SLC22A25: variants seen among roughly 807,000 people sequenced by gnomAD.
SLC22A25 encodes the protein MGI:2442751, MGI:2385316, MGI:3042283, MGI:3645714, MGI:3605624, MGI:2442750.
Under a neutral mutation model 45.9 loss-of-function variants are expected in SLC22A25, and 44 were observed. The observed-to-expected ratio is 0.96, with a 90% CI of 0.75 to 1.23. The LOEUF (loss-of-function observed/expected upper bound fraction) is 1.23. Among genes scored for constraint, SLC22A25 ranks in the 50% most tolerant of loss-of-function variants. The pLI is 0.00. For missense variants in SLC22A25, 800 were observed against 666.4 expected (o/e 1.20, Z -2.21); for synonymous variants, 283 against 238.6 (o/e 1.19, Z -1.72).
chr11:63,226,675 G>C (rs569217243), intron 5 of SLC22A25, among the ~76,000 whole-genome samples: 1 of 152,266 alleles, frequency 6.6e-6, no homozygotes, highest in African/African-American at 2.4e-5. Flanking sequence ...AAGGTCCTAG[G>C]GTTCTACAAT....
At chr11:63,233,529 G>T (rs915763280) in intron 3 of SLC22A25, among the ~76,000 whole-genome samples, 4 of 151,732 alleles carry the variant, frequency 2.6e-5, no homozygotes, top group Non-Finnish European at 4.4e-5. Flanking sequence ...TCTCTCTTTT[G>T]TTCTTTATTA....
intron 5 of SLC22A25, among the ~76,000 whole-genome samples, chr11:63,227,107 C>T (rs1353625370): frequency 6.6e-6 from 1 of 152,040 alleles, no homozygotes; most frequent in Non-Finnish European, 1.5e-5. Flanking sequence ...AATTGGGAAC[C>T]CCAAAGGCCT....
chr11:63,177,932 G>T lies in SLC22A25; in HGVS notation c.1070+2728C>A, dbSNP rs1369371922. ...TCCCATTTTCTTTTTTTTTGACAGGGTCTCACTCTGTCTTAAAAGTGACAC... is the reference window on the plus strand; with the variant it reads ...TCCCATTTTCTTTTTTTTTGACAGGTTCTCACTCTGTCTTAAAAGTGACAC... On this transcript the variant is annotated intron_variant, in intron 9 of 11. Coordinates refer to ENST00000306494, the MANE Select transcript of SLC22A25 (RefSeq NM_199352.6). Among the ~76,000 whole-genome samples, 12 of 105,864 alleles carry T rather than the reference G, an allele frequency of 1.1e-4. No homozygotes were observed. The South Asian group carries it at 3.9e-3, about 35-fold the overall frequency. 69.5% of individuals were successfully genotyped at this position (105,864 alleles called of 152,430 possible). A position where few individuals can be genotyped will look rare whatever the true frequency, so the allele number is the denominator to read the frequency against.
chr11:63,221,712 T>C (rs988197031), intron 5 of SLC22A25, among the ~76,000 whole-genome samples: 7 of 152,264 alleles, frequency 4.6e-5, no homozygotes, highest in Admixed American at 2.6e-4. Flanking sequence ...CCCAGTCCAA[T>C]GTCCTGGAGA....
At chr11:63,230,362 A>G (rs2090044202) in intron 3 of SLC22A25, among the ~76,000 whole-genome samples, 2 of 152,192 alleles carry the variant, frequency 1.3e-5, no homozygotes. Flanking sequence ...TTACTGGCTT[A>G]TTGATTCTTT....
In SLC22A25 at chr11:63,229,625, C is replaced by A. The variant is rs769778642; in HGVS notation, c.28G>T (p.Val10Phe). 1.2e-6 allele frequency: 2 copies of A among 1,608,922 alleles called. No individual in the cohort carries two copies. The highest frequency in any genetic ancestry group is 1.7e-6 in the Non-Finnish European group (2 of 1,175,758). Reference protein sequence around the residue: MAFQDLLDQVGGLGRFQILQ... With the variant: MAFQDLLDQFGGLGRFQILQ... The stretch of plus-strand genomic sequence containing the variant: ...ATCTGGAATCTCCCCAGGCCTCCAA[C>A]TTGATCTAGGAGGTCCTGAAAGGCC... Residue 10 changes from valine to phenylalanine, a missense_variant, in exon 4 of 12, where the codon GTT becomes TTT. Val to Phe is a conservative substitution (Grantham distance 50, BLOSUM62 -1). Coordinates refer to ENST00000306494, the MANE Select transcript of SLC22A25 (RefSeq NM_199352.6).
intron 1 of SLC22A25, among the ~76,000 whole-genome samples, chr11:63,241,149 C>A (rs1050758853): frequency 2.0e-5 from 3 of 152,118 alleles, no homozygotes; most frequent in African/African-American, 4.8e-5. Context: ...CTAAGGCATG[C>A]TCTTATGTAA....
At chr11:63,240,788 G>A (rs912804502) in intron 1 of SLC22A25, among the ~76,000 whole-genome samples, 6 of 152,148 alleles carry the variant, frequency 3.9e-5, no homozygotes, top group African/African-American at 1.4e-4. Flanking sequence ...GTCTTCTGGA[G>A]CAGTAACATG....
At chr11:63,192,648 A>G (rs2088856509) in intron 7 of SLC22A25, among the ~76,000 whole-genome samples, 1 of 152,202 alleles carries the variant, frequency 6.6e-6, no homozygotes, top group Admixed American at 6.5e-5. Context: ...AGAAAAATCA[A>G]CCAATAAAAT....
chr11:63,210,051 A>G (rs1406098040), intron 7 of SLC22A25, among the ~76,000 whole-genome samples: 2 of 152,224 alleles, frequency 1.3e-5, no homozygotes, highest in East Asian at 3.8e-4. Flanking sequence ...AGTGTGCCAA[A>G]AGCCTGACAA....
intron 7 of SLC22A25, among the ~76,000 whole-genome samples, chr11:63,209,808 C>A (rs1350378533): frequency 6.6e-6 from 1 of 152,136 alleles, no homozygotes; most frequent in Admixed American, 6.5e-5. Context: ...AGATTGTCAA[C>A]AACTTTTGCT....
intron 1 of SLC22A25, among the ~76,000 whole-genome samples, chr11:63,241,397 C>T (rs1422594861): frequency 6.6e-6 from 1 of 152,092 alleles, no homozygotes; most frequent in Non-Finnish European, 1.5e-5. Context: ...CTCCTTCTTC[C>T]ACGGTGTTCC....
chr11:63,236,002 G>A (rs1304540978), intron 3 of SLC22A25, among the ~76,000 whole-genome samples: 3 of 152,138 alleles, frequency 2.0e-5, no homozygotes, highest in Non-Finnish European at 2.9e-5. Context: ...ATTCCTCTGG[G>A]AGTTTTGTCT....
intron 5 of SLC22A25, 98 bp downstream of exon 5, chr11:63,228,363 A>G: frequency 1.1e-6 from 1 of 933,066 alleles, no homozygotes; most frequent in South Asian, 1.7e-5. Flanking sequence ...CAAGGGAGCA[A>G]CAGGATAGTG....
chr11:63,214,726 C>A (rs1565110511), intron 7 of SLC22A25, among the ~76,000 whole-genome samples: 1 of 151,876 alleles, frequency 6.6e-6, no homozygotes, highest in Non-Finnish European at 1.5e-5. Flanking sequence ...CTTCCCCCTG[C>A]ACAGATCTCC....
rs2087524262 is a variant in SLC22A25, at chr11:63,160,460, C to G, written c.*3364G>C. ...AAGAATTGAGGTTTGGGAACCTCCA[C>G]CTAGATTTCAGAGGATGTATGGAAA... On this transcript the variant is annotated 3_prime_UTR_variant, in exon 12 of 12. Coordinates refer to ENST00000306494, the MANE Select transcript of SLC22A25 (RefSeq NM_199352.6). Among the ~76,000 whole-genome samples, 1 of 152,142 alleles carries G rather than the reference C, an allele frequency of 6.6e-6. No homozygotes were observed. Among genetic ancestry groups the G allele is most frequent in the Non-Finnish European group, 1.5e-5 (1 of 68,026 alleles).
chr11:63,191,906 T>A (rs1280357928), intron 7 of SLC22A25, among the ~76,000 whole-genome samples: 1 of 152,214 alleles, frequency 6.6e-6, no homozygotes, highest in South Asian at 2.1e-4. Context: ...CATTTCAGGA[T>A]ATCTTCCATA....
intron 7 of SLC22A25, among the ~76,000 whole-genome samples, chr11:63,192,166 A>C (rs972669474): frequency 2.0e-5 from 3 of 152,172 alleles, no homozygotes; most frequent in African/African-American, 7.2e-5. Flanking sequence ...AAGCCAGAAG[A>C]GATTGGGGAT....
rs548295892 is a variant in SLC22A25, at chr11:63,229,813, C to T, written c.-161G>A. Among the ~76,000 whole-genome samples the T allele has an allele frequency of 1.4e-4, 21 of 152,292 alleles. No homozygotes were observed. Among genetic ancestry groups the T allele is most frequent in the South Asian group, 1.0e-3 (5 of 4,826 alleles). Reference sequence around the variant, plus strand: ...CTCTCTCCCATCTGCAGCAGGGTCACGGAAGCAATTTCCTCAAGTAGTTTT... The same window carrying T: ...CTCTCTCCCATCTGCAGCAGGGTCATGGAAGCAATTTCCTCAAGTAGTTTT... On this transcript the variant is annotated 5_prime_UTR_variant, in exon 4 of 12. In the 5' UTR this introduces an upstream ATG that the reference lacks. Transcript: ENST00000306494.
Sources: allele counts gnomAD v4.1 joint callset (sites outside exome capture counted in the v4.1 genomes callset), GRCh38; gene constraint gnomAD v4.1.1; transcripts MANE v1.5; gene names NCBI Gene and HGNC (gene_info 2026-07-23, HGNC 2026-07-21).